LRCH1: variants seen among roughly 807,000 people sequenced by gnomAD.
The protein encoded by LRCH1 is leucine rich repeats and calponin homology domain containing 1.
A neutral mutation model predicts 94.9 loss-of-function variants in LRCH1; 23 were observed. That is an observed-to-expected ratio of 0.24 (90% CI 0.17 to 0.34). The LOEUF (loss-of-function observed/expected upper bound fraction) is 0.34, where lower values mean the gene tolerates loss of function less well. LRCH1 is among the 10% of genes least tolerant of loss of function. LRCH1 has a pLI of 1.00. For synonymous variants in LRCH1, 364 were observed against 354.9 expected (o/e 1.03, Z -0.29); for missense variants, 790 against 945.9 (o/e 0.84, Z 2.16).
intron 2 of LRCH1, among the ~76,000 whole-genome samples, chr13:46,668,083 A>T (rs1444921599): frequency 6.6e-6 from 1 of 152,258 alleles, no homozygotes; most frequent in Admixed American, 6.5e-5. Context: ...CTTCAACACC[A>T]GAAGGGCAGA....
chr13:46,578,034 CTTAG>C (rs2050322787), intron 1 of LRCH1, among the ~76,000 whole-genome samples: 1 of 152,190 alleles, frequency 6.6e-6, no homozygotes. Flanking sequence ...GAGAGAAAAA[CTTAG>C]TGTGAGTCTT....
chr13:46,660,073 G>A (rs916211163), intron 2 of LRCH1, among the ~76,000 whole-genome samples: 3 of 135,610 alleles, frequency 2.2e-5, no homozygotes, highest in South Asian at 4.9e-4. Context: ...GTGCAGTGGC[G>A]CGATCTCTGC....
intron 1 of LRCH1, among the ~76,000 whole-genome samples, chr13:46,631,168 A>G (rs1425714234): frequency 1.3e-5 from 2 of 152,162 alleles, no homozygotes; most frequent in Non-Finnish European, 2.9e-5. Context: ...GAGTGTGATT[A>G]TTTTCTGCAT....
chr13:46,750,618 G>T, exon 19 of LRCH1: 1 of 1,551,770 alleles, frequency 6.4e-7, no homozygotes. Flanking sequence ...AGCATTACTA[G>T]ACATCACCGT....
At chr13:46,720,169 T>C (rs1872533523) in intron 16 of LRCH1, among the ~76,000 whole-genome samples, 1 of 151,988 alleles carries the variant, frequency 6.6e-6, no homozygotes, top group African/African-American at 2.4e-5. Context: ...GGTAGATCAC[T>C]TGAGTCCAGA....
intron 2 of LRCH1, among the ~76,000 whole-genome samples, chr13:46,653,075 G>A (rs533615134): frequency 6.6e-6 from 1 of 152,170 alleles, no homozygotes; most frequent in Non-Finnish European, 1.5e-5. Flanking sequence ...CATTGAAACG[G>A]ATCATGGCTG....
At chr13:46,630,989 G>T (rs1414023156) in intron 1 of LRCH1, among the ~76,000 whole-genome samples, 2 of 152,092 alleles carry the variant, frequency 1.3e-5, no homozygotes, top group Non-Finnish European at 1.5e-5. Flanking sequence ...CTTTTTGTCT[G>T]GAGACCTCAA....
chr13:46,617,833 T>C (rs1373685279), intron 1 of LRCH1, among the ~76,000 whole-genome samples: 3 of 152,234 alleles, frequency 2.0e-5, no homozygotes, highest in African/African-American at 7.2e-5. Context: ...TTTTTCTTTA[T>C]AATGTGGTGC....
chr13:46,698,945 A>G (rs1366548470), intron 9 of LRCH1, among the ~76,000 whole-genome samples: 2 of 152,198 alleles, frequency 1.3e-5, no homozygotes, highest in Non-Finnish European at 2.9e-5. Context: ...CCTTTAAATA[A>G]CAACTCCCTC....
intron 1 of LRCH1, among the ~76,000 whole-genome samples, chr13:46,563,159 A>T (rs535176284): frequency 6.6e-6 from 1 of 152,352 alleles, no homozygotes; most frequent in African/African-American, 2.4e-5. Context: ...TGAAAAACTA[A>T]TCAATATCTT....
intron 18 of LRCH1, among the ~76,000 whole-genome samples, chr13:46,733,531 CGT>C (rs950300158): frequency 4.1e-4 from 62 of 151,964 alleles, no homozygotes; most frequent in African/African-American, 1.5e-3. Context: ...ACTATATATA[CGT>C]GTGTGTGTGC....
intron 1 of LRCH1, among the ~76,000 whole-genome samples, chr13:46,618,234 CT>C (rs2050835457): frequency 1.3e-5 from 2 of 152,184 alleles, no homozygotes; most frequent in Non-Finnish European, 2.9e-5. Context: ...TCCTCTCCCC[CT>C]AACCTGACAG....
chr13:46,635,993 A>G (rs1348604596), intron 1 of LRCH1, among the ~76,000 whole-genome samples: 1 of 150,828 alleles, frequency 6.6e-6, no homozygotes. Flanking sequence ...CTCTCTTTGC[A>G]AAGTTTTTAA....
At chr13:46,570,521 A>T (rs905514037) in intron 1 of LRCH1, among the ~76,000 whole-genome samples, 5 of 152,196 alleles carry the variant, frequency 3.3e-5, no homozygotes, top group African/African-American at 1.2e-4. Context: ...CTGCCCCTAG[A>T]GATGCTCCAC....
intron 3 of LRCH1, among the ~76,000 whole-genome samples, chr13:46,675,668 G>A (rs775801135): frequency 2.0e-4 from 30 of 152,180 alleles, no homozygotes; most frequent in Non-Finnish European, 3.8e-4. Context: ...TCCAATCTCT[G>A]AGGGAGATAA....
intron 1 of LRCH1, among the ~76,000 whole-genome samples, chr13:46,569,717 A>G (rs2050221510): frequency 6.6e-6 from 1 of 151,998 alleles, no homozygotes; most frequent in Non-Finnish European, 1.5e-5. Flanking sequence ...AGCTCCCCTC[A>G]AGGGCCTGTG....
At chr13:46,730,768 C>A (rs745710007) in intron 18 of LRCH1, among the ~76,000 whole-genome samples, 3 of 152,178 alleles carry the variant, frequency 2.0e-5, no homozygotes, top group Non-Finnish European at 4.4e-5. Flanking sequence ...ATCTGAGTCT[C>A]GTGCCAGATT....
At chr13:46,613,833 T>G (rs999586357) in intron 1 of LRCH1, among the ~76,000 whole-genome samples, 1 of 152,206 alleles carries the variant, frequency 6.6e-6, no homozygotes. Flanking sequence ...TATCTTCCAC[T>G]CCAGGGCTTT....
At chr13:46,719,673 T>TA (rs1872507975) in intron 16 of LRCH1, among the ~76,000 whole-genome samples, 1 of 152,224 alleles carries the variant, frequency 6.6e-6, no homozygotes, top group Non-Finnish European at 1.5e-5. Flanking sequence ...CTAAGTAAAT[T>TA]GCGTATATGT....
Sources: gnomAD v4.1 joint callset for allele counts (sites outside exome capture counted in the v4.1 genomes callset) on GRCh38, gnomAD v4.1.1 for gene constraint, MANE v1.5 for transcripts, NCBI Gene and HGNC (gene_info 2026-07-23, HGNC 2026-07-21) for gene names.